The following RIMS2 variants were observed in gnomAD, a reference collection of about 807,000 sequenced individuals.
The protein encoded by RIMS2 is regulating synaptic membrane exocytosis protein 2.
A neutral mutation model predicts 174.4 loss-of-function variants in RIMS2; 59 were observed. That is an observed-to-expected ratio of 0.34 (90% CI 0.27 to 0.42). RIMS2 has a LOEUF of 0.42. Ranked by LOEUF, RIMS2 falls within the 10% of genes least tolerant of loss-of-function variation. The probability of loss-of-function intolerance (pLI) is 1.00; values close to 1 mark genes in which losing one functional copy is unlikely to be tolerated. For missense variants in RIMS2, 1,620 were observed against 1,666.3 expected, an observed-to-expected ratio of 0.97 and a Z score of 0.48; for synonymous variants, 606 against 572.5, an observed-to-expected ratio of 1.06 and a Z score of -0.84.
At chr8:104,201,536 A>C (rs1371102262) in intron 19 of RIMS2, among the ~76,000 whole-genome samples, 2 of 152,350 alleles carry the variant, frequency 1.3e-5, no homozygotes, top group Non-Finnish European at 1.5e-5. Flanking sequence ...GACATTTTAG[A>C]AATGTAAGAT....
intron 4 of RIMS2, among the ~76,000 whole-genome samples, chr8:103,899,660 T>G (rs2099315952): frequency 6.6e-6 from 1 of 151,768 alleles, no homozygotes; most frequent in South Asian, 2.1e-4. Context: ...TTTCTCCCAT[T>G]CTGTAGGTTG....
exon 19 of RIMS2, chr8:104,014,513 C>G (rs1024307124): frequency 1.2e-6 from 2 of 1,600,326 alleles, no homozygotes; most frequent in Non-Finnish European, 1.7e-6. Flanking sequence ...TAGGTCTCAT[C>G]CTCGTACTGG....
At chr8:104,215,894 C>T (rs1350096462) in intron 19 of RIMS2, among the ~76,000 whole-genome samples, 2 of 152,122 alleles carry the variant, frequency 1.3e-5, no homozygotes, top group Non-Finnish European at 2.9e-5. Context: ...CAAAAATAGG[C>T]ATATATAGTA....
chr8:103,879,874 TG>T (rs1392000864), intron 3 of RIMS2, among the ~76,000 whole-genome samples: 3 of 151,708 alleles, frequency 2.0e-5, no homozygotes, highest in African/African-American at 7.2e-5. Context: ...GGAAGGAATT[TG>T]TGTGGCCTTA....
intron 1 of RIMS2, among the ~76,000 whole-genome samples, chr8:103,655,839 C>T (rs2096524837): frequency 6.6e-6 from 1 of 151,936 alleles, no homozygotes; most frequent in Admixed American, 6.6e-5. Context: ...AGTGGTTTTA[C>T]AGAGAATGAT....
Position 103,550,212 on chromosome 8 carries a change from C to A in RIMS2, c.176+49150C>A, listed in dbSNP as rs571567114. On this transcript the variant is annotated intron_variant, in intron 1 of 23. Transcript: ENST00000504942. ...ATTGACCACATAGTTGGGAGTAAAG[C>A]ACTCCTCAGCAAATGTAAAAGAACA... Among the ~76,000 whole-genome samples, 3 of 152,258 alleles carry A rather than the reference C, an allele frequency of 2.0e-5. No individual in the cohort carries two copies. In the East Asian group the frequency reaches 5.8e-4, roughly 29 times the overall value.
intron 1 of RIMS2, among the ~76,000 whole-genome samples, chr8:103,527,262 A>G (rs768744908): frequency 2.0e-5 from 3 of 152,226 alleles, no homozygotes; most frequent in Non-Finnish European, 4.4e-5. Flanking sequence ...ATCCCTCAGT[A>G]TCACTGGAGA....
At chr8:103,593,388 G>T (rs1021299506) in intron 1 of RIMS2, among the ~76,000 whole-genome samples, 1 of 151,546 alleles carries the variant, frequency 6.6e-6, no homozygotes, top group Non-Finnish European at 1.5e-5. Flanking sequence ...GGGACCAAAA[G>T]ATTTTAATGT....
At chr8:103,862,469 C>T (rs1487137331) in intron 3 of RIMS2, among the ~76,000 whole-genome samples, 3 of 151,868 alleles carry the variant, frequency 2.0e-5, no homozygotes, top group Non-Finnish European at 4.4e-5. Context: ...TTTTTTGCTT[C>T]CATACGGCCT....
intron 1 of RIMS2, among the ~76,000 whole-genome samples, chr8:103,586,784 A>T (rs558980665): frequency 1.3e-5 from 2 of 152,094 alleles, no homozygotes; most frequent in African/African-American, 4.8e-5. Context: ...AACACAAAAG[A>T]TCAGTGAAAC....
At chr8:104,035,267 A>G (rs1191445979) in intron 19 of RIMS2, among the ~76,000 whole-genome samples, 1 of 151,858 alleles carries the variant, frequency 6.6e-6, no homozygotes, top group East Asian at 1.9e-4. Flanking sequence ...TTTTTTTGTA[A>G]AAGTGAAGGC....
chr8:103,915,417 A>T, intron 6 of RIMS2, 78 bp from the exon 10 acceptor site: 1 of 727,510 alleles, frequency 1.4e-6, no homozygotes, highest in Non-Finnish European at 2.3e-6. Flanking sequence ...AAATTGTTCT[A>T]GGTATTCTTT....
At position 103,786,729 on chromosome 8, in the gene RIMS2, G is replaced by A. The variant is rs535269696; in HGVS notation, c.698+20192G>A. Among the ~76,000 whole-genome samples the A allele has an allele frequency of 2.0e-5, 3 of 152,254 alleles. No homozygotes were observed. In the South Asian group the frequency reaches 6.2e-4, roughly 32 times the overall value. ...TTTGGAATAGCTGTGGTGTGGTTCT[G>A]AAAAAAATGTATATTCTGTTGATTT... On this transcript the variant is annotated intron_variant, in intron 3 of 23. Coordinates refer to ENST00000504942, the Ensembl canonical transcript of RIMS2.
At chr8:103,763,065 G>A (rs2098129311) in intron 2 of RIMS2, among the ~76,000 whole-genome samples, 1 of 151,894 alleles carries the variant, frequency 6.6e-6, no homozygotes, top group East Asian at 1.9e-4. Flanking sequence ...GAGCTTAAAG[G>A]ATTAATAAAC....
intron 19 of RIMS2, among the ~76,000 whole-genome samples, chr8:104,196,342 A>G (rs2441904): frequency 0.29 from 43,356 of 151,932 alleles, 6,462 homozygotes; most frequent in African/African-American, 0.32. Context: ...AACCTTACGA[A>G]ACAAAAGTAC....
intron 16 of RIMS2, among the ~76,000 whole-genome samples, chr8:103,979,544 G>A (rs62527133): frequency 1.6e-4 from 24 of 152,278 alleles, no homozygotes; most frequent in East Asian, 1.9e-4. Flanking sequence ...TGGGGAATAC[G>A]TGCACCATTC....
chr8:103,642,079 T>C (rs768826867), intron 1 of RIMS2, among the ~76,000 whole-genome samples: 4 of 152,190 alleles, frequency 2.6e-5, no homozygotes, highest in African/African-American at 4.8e-5. Context: ...TCATGGTTAC[T>C]GTGTTTGTAA....
intron 19 of RIMS2, among the ~76,000 whole-genome samples, chr8:104,067,477 C>CTATGAT (rs2097125663): frequency 6.6e-6 from 1 of 152,086 alleles, no homozygotes; most frequent in East Asian, 1.9e-4. Context: ...CTCACTGCAG[C>CTATGAT]CTCCCAACTC....
chr8:104,053,663 C>T (rs568928520), intron 19 of RIMS2, among the ~76,000 whole-genome samples: 10 of 152,174 alleles, frequency 6.6e-5, no homozygotes, highest in Admixed American at 3.3e-4. Context: ...ACACTGTATT[C>T]GGTACTATTT....
Sources: allele counts gnomAD v4.1 joint callset (sites outside exome capture counted in the v4.1 genomes callset), GRCh38; gene constraint gnomAD v4.1.1; transcripts MANE v1.5; gene names NCBI Gene and HGNC (gene_info 2026-07-23, HGNC 2026-07-21).